The following TXLNB variants were observed in gnomAD, a reference collection of about 807,000 sequenced individuals.
TXLNB encodes beta-taxilin.
Under a neutral mutation model 57.4 loss-of-function variants are expected in TXLNB, and 37 were observed. That is an observed-to-expected ratio of 0.64 (90% CI 0.50 to 0.85). The LOEUF (loss-of-function observed/expected upper bound fraction) is 0.85. TXLNB is among the 40% of genes least tolerant of loss of function. The probability of loss-of-function intolerance (pLI) is 0.00; values close to 1 mark genes in which losing one functional copy is unlikely to be tolerated. For synonymous variants in TXLNB, 302 were observed against 309.6 expected (o/e 0.98, Z 0.26); for missense variants, 848 against 825.6 (o/e 1.03, Z -0.33).
the TXLNB span, among the ~76,000 whole-genome samples, chr6:139,199,439 G>A: frequency 6.6e-6 from 1 of 152,174 alleles, no homozygotes; most frequent in Non-Finnish European, 1.5e-5. Flanking sequence ...GGGGTCCAGT[G>A]GTGAATGAGC....
chr6:139,205,774 G>A, the TXLNB span, among the ~76,000 whole-genome samples: 1 of 152,158 alleles, frequency 6.6e-6, no homozygotes, highest in Non-Finnish European at 1.5e-5. Context: ...GAATAACTGA[G>A]AAAAACTTCC....
At chr6:139,178,148 A>G in the TXLNB span, 1 of 152,228 alleles carries the variant, frequency 6.6e-6, no homozygotes, top group Admixed American at 6.5e-5. Context: ...TTTTAAAAGT[A>G]TGTTTTGGAA....
the TXLNB span, among the ~76,000 whole-genome samples, chr6:139,195,396 C>T: frequency 0.11 from 16,473 of 152,152 alleles, 1,344 homozygotes; most frequent in African/African-American, 0.21. Flanking sequence ...TAAAATTCCT[C>T]AAATTTACCC....
chr6:139,191,047 G>C, the TXLNB span, among the ~76,000 whole-genome samples: 1 of 152,148 alleles, frequency 6.6e-6, no homozygotes, highest in Admixed American at 6.5e-5. Context: ...AAGACCTCTA[G>C]AGCTGTGCCA....
intron 6 of TXLNB, among the ~76,000 whole-genome samples, chr6:139,258,257 A>G (rs1039632733): frequency 6.6e-6 from 1 of 152,196 alleles, no homozygotes; most frequent in African/African-American, 2.4e-5. Context: ...GTTTCTTGCT[A>G]AGGCTGGGTC....
chr6:139,212,732 C>G, the TXLNB span, among the ~76,000 whole-genome samples: 4 of 152,016 alleles, frequency 2.6e-5, no homozygotes, highest in Non-Finnish European at 2.9e-5. Context: ...TTCAGGAGAC[C>G]CATCTCACAT....
chr6:139,309,603 G>A, the TXLNB span, among the ~76,000 whole-genome samples: 43 of 152,106 alleles, frequency 2.8e-4, no homozygotes, highest in African/African-American at 8.4e-4. Context: ...AGAATTCATC[G>A]TTAATTCCCC....
chr6:139,257,730 A>G (rs1776380219), intron 6 of TXLNB, among the ~76,000 whole-genome samples: 2 of 152,194 alleles, frequency 1.3e-5, no homozygotes, highest in Non-Finnish European at 2.9e-5. Context: ...ATTGTAAAAA[A>G]AAGTCCACGA....
the TXLNB span, among the ~76,000 whole-genome samples, chr6:139,196,364 G>GTTTTTT: frequency 6.9e-5 from 6 of 86,768 alleles, 2 homozygotes; most frequent in African/African-American, 1.8e-4. Flanking sequence ...CTCCAGATCT[G>GTTTTTT]GTTTTTTTTT....
chr6:139,240,870 T>C lies in TXLNB; in HGVS notation c.*1656A>G, dbSNP rs889568608. ...AACAGCCACATGCAACATTGAAGAATGGTTTCCTGGATGAGTACTAGAGAA... is the reference window on the plus strand; with the variant it reads ...AACAGCCACATGCAACATTGAAGAACGGTTTCCTGGATGAGTACTAGAGAA... On this transcript the variant is annotated 3_prime_UTR_variant, in exon 10 of 10. Coordinates refer to ENST00000358430, the MANE Select transcript of TXLNB (RefSeq NM_153235.4). 2.0e-5 allele frequency: 3 copies of C among 152,220 alleles called. No homozygotes were observed. The highest frequency in any genetic ancestry group is 2.9e-5 in the Non-Finnish European group (2 of 68,042). The allele number at this position is 152,220 out of a possible 1,614,324, so 9.4% of individuals were successfully genotyped here. A position where few individuals can be genotyped will look rare whatever the true frequency, so the allele number is the denominator to read the frequency against.
chr6:139,233,366 T>C, the TXLNB span, among the ~76,000 whole-genome samples: 1 of 2,960 alleles, frequency 3.4e-4, no homozygotes, highest in African/African-American at 1.1e-3. Context: ...TATATTTTTA[T>C]ATAAATTTAT....
intron 5 of TXLNB, among the ~76,000 whole-genome samples, chr6:139,262,060 C>T (rs1044915357): frequency 4.0e-5 from 6 of 150,802 alleles, no homozygotes; most frequent in Admixed American, 1.3e-4. Flanking sequence ...CCCACCACCA[C>T]GCCTGGCTAA....
chr6:139,256,799 G>A (rs1776356199), intron 6 of TXLNB, among the ~76,000 whole-genome samples: 1 of 152,206 alleles, frequency 6.6e-6, no homozygotes, highest in African/African-American at 2.4e-5. Context: ...TAAAAATGCA[G>A]ATGCCTCTCA....
chr6:139,292,534 T>G (rs1777323626), upstream of TXLNB, among the ~76,000 whole-genome samples: 1 of 152,226 alleles, frequency 6.6e-6, no homozygotes, highest in Non-Finnish European at 1.5e-5. This position sits in a 1 kb window ranked among gnomAD's most constrained non-coding sequence, Gnocchi z 4.0. Context: ...TTAATTCTGA[T>G]GTCATTGTTT....
At chr6:139,309,453 T>C in the TXLNB span, among the ~76,000 whole-genome samples, 2 of 152,194 alleles carry the variant, frequency 1.3e-5, no homozygotes, top group African/African-American at 2.4e-5. Flanking sequence ...TTAATTCCTT[T>C]TCTTTCTTCT....
intron 4 of TXLNB, among the ~76,000 whole-genome samples, chr6:139,264,951 G>A (rs748627918): frequency 6.6e-6 from 1 of 152,184 alleles, no homozygotes; most frequent in East Asian, 1.9e-4. Flanking sequence ...CATTTGGACA[G>A]TGTCTGAGAT....
intron 9 of TXLNB, among the ~76,000 whole-genome samples, chr6:139,244,105 A>G (rs1284659896): frequency 1.3e-5 from 2 of 152,170 alleles, no homozygotes; most frequent in African/African-American, 2.4e-5. Context: ...GCCTGGCATG[A>G]GATCAGTGTT....
At chr6:139,167,113 C>T in the TXLNB span, 4 of 1,614,228 alleles carry the variant, frequency 2.5e-6, no homozygotes, top group Non-Finnish European at 3.4e-6. Flanking sequence ...TCCACGTGCG[C>T]ATGGAAGACG....
chr6:139,219,974 G>A, the TXLNB span, among the ~76,000 whole-genome samples: 1 of 152,272 alleles, frequency 6.6e-6, no homozygotes, highest in Non-Finnish European at 1.5e-5. Context: ...TTTCCTGACA[G>A]CTGAATCTCA....
Sources: allele counts gnomAD v4.1 joint callset (sites outside exome capture counted in the v4.1 genomes callset), GRCh38; gene constraint gnomAD v4.1.1; non-coding constraint Gnocchi (gnomAD v3.1); transcripts MANE v1.5; gene names NCBI Gene and HGNC (gene_info 2026-07-23, HGNC 2026-07-21).